DARS2: variants seen among roughly 807,000 people sequenced by gnomAD.
DARS2 encodes the protein aspartate--tRNA ligase, mitochondrial.
Under a neutral mutation model 83.0 loss-of-function variants are expected in DARS2, and 63 were observed. That is an observed-to-expected ratio of 0.76 (90% CI 0.62 to 0.94). The LOEUF is 0.94. Ranked by LOEUF, DARS2 falls within the 40% of genes least tolerant of loss-of-function variation. The probability of loss-of-function intolerance (pLI) is 0.00; values close to 1 mark genes in which losing one functional copy is unlikely to be tolerated. For synonymous variants in DARS2, 250 were observed against 269.3 expected, an observed-to-expected ratio of 0.93 and a Z score of 0.70; for missense variants, 675 against 774.4, an observed-to-expected ratio of 0.87 and a Z score of 1.52.
intron 12 of DARS2, among the ~76,000 whole-genome samples, chr1:173,847,344 T>A (rs1051859093): frequency 6.6e-6 from 1 of 152,204 alleles, no homozygotes; most frequent in Non-Finnish European, 1.5e-5. Context: ...GTATATAAAA[T>A]CTGCATCTAA....
chr1:173,858,192 G>T lies in DARS2; in HGVS notation c.*487G>T. Reference sequence around the variant, plus strand: ...TTCAACCATCAACATAATATAGTGAGGAGTAGCATAATATTTTTTAATAAT... The same window carrying T: ...TTCAACCATCAACATAATATAGTGATGAGTAGCATAATATTTTTTAATAAT... On this transcript the variant is annotated 3_prime_UTR_variant, in exon 17 of 17. Coordinates refer to ENST00000649689, the MANE Select transcript of DARS2 (RefSeq NM_018122.5). The T allele has an allele frequency of 6.0e-6, 1 of 166,846 alleles. No homozygotes were observed. Among genetic ancestry groups the T allele is most frequent in the Non-Finnish European group, 1.3e-5 (1 of 76,158 alleles). The allele number at this position is 166,846 out of a possible 1,614,324, so 10.3% of individuals were successfully genotyped here.
At position 173,826,747 on chromosome 1, in the gene DARS2, G is replaced by T. The variant is rs114714497; in HGVS notation, c.188G>T (p.Gly63Val). Residue 63 changes from glycine to valine, a missense_variant, in exon 2 of 17, where the codon GGC becomes GTC. Coordinates refer to ENST00000649689, the MANE Select transcript of DARS2 (RefSeq NM_018122.5). ...GGAGAGTTGCGTTCGTCTCACTTAG[G>T]CCAAGAAGTCACCTTGTGTGGATGG... ...TCGELRSSHL[G>V]QEVTLCGWIQ... The T allele has an allele frequency of 6.2e-7, 1 of 1,613,146 alleles. No individual in the cohort carries two copies. The highest frequency in any genetic ancestry group is 1.7e-5 in the Admixed American group (1 of 59,904).
intron 13 of DARS2, 54 bp from the exon 14 acceptor site, chr1:173,853,295 T>A: frequency 1.3e-6 from 2 of 1,571,208 alleles, no homozygotes; most frequent in Non-Finnish European, 8.8e-7. Flanking sequence ...GCTGTGTCAT[T>A]TCCTGCCTGC....
At chr1:173,831,360 A>T (rs1223908982) in intron 4 of DARS2, among the ~76,000 whole-genome samples, 175 bp from the exon 5 acceptor site, 10 of 152,198 alleles carry the variant, frequency 6.6e-5, no homozygotes, top group African/African-American at 2.2e-4. Flanking sequence ...TGAACACATC[A>T]GCCACATATG....
chr1:173,831,193 G>A (rs561682468), intron 4 of DARS2, among the ~76,000 whole-genome samples: 1 of 150,414 alleles, frequency 6.6e-6, no homozygotes, highest in South Asian at 2.1e-4. Context: ...AGGATTACAG[G>A]CGTGAGCCAC....
intron 6 of DARS2, 123 bp downstream of exon 6, chr1:173,833,622 CAATG>C: frequency 8.7e-7 from 1 of 1,147,994 alleles, no homozygotes; most frequent in African/African-American, 1.5e-5. Flanking sequence ...GGAATTCACT[CAATG>C]TGTAATGTAG....
chr1:173,830,668 C>T lies in DARS2; in HGVS notation c.303C>T (p.Ala101=), dbSNP rs781148189. 2.5e-5 allele frequency: 40 copies of T among 1,613,604 alleles called. No homozygotes were observed. The highest frequency in any genetic ancestry group is 3.1e-5 in the Non-Finnish European group (36 of 1,179,662). The change falls in exon 4 of 17, where the codon GCC becomes GCT. Residue 101 remains alanine (A), a synonymous_variant. Coordinates refer to ENST00000649689, the MANE Select transcript of DARS2 (RefSeq NM_018122.5). The stretch of plus-strand genomic sequence containing the variant: ...TCCCCCTTGTTCTGTAGTCGGCAGC[C>T]TCTGTGAAGAAGATTTTATGTGAAG... ...QVIIPQDESA[A]SVKKILCEAP...
chr1:173,845,003 G>A (rs945920352), intron 11 of DARS2, among the ~76,000 whole-genome samples: 11 of 151,330 alleles, frequency 7.3e-5, no homozygotes, highest in Admixed American at 4.0e-4. Flanking sequence ...CATGTTGGTC[G>A]GGCTGGTTTT....
chr1:173,838,500 T>C (rs1653089652), intron 9 of DARS2, among the ~76,000 whole-genome samples: 1 of 152,136 alleles, frequency 6.6e-6, no homozygotes, highest in African/African-American at 2.4e-5. Context: ...ATTCAAATTT[T>C]AGTATGTGTG....
chr1:173,845,373 T>A (rs1208070275), intron 12 of DARS2, 82 bp downstream of exon 12: 1 of 857,264 alleles, frequency 1.2e-6, no homozygotes, highest in Admixed American at 1.9e-5. Flanking sequence ...TCATTATCAT[T>A]AGTTTTGAGC....
At chr1:173,849,305 G>A (rs886769032) in intron 12 of DARS2, among the ~76,000 whole-genome samples, 1 of 151,832 alleles carries the variant, frequency 6.6e-6, no homozygotes, top group Non-Finnish European at 1.5e-5. Flanking sequence ...AGGCCAAGGC[G>A]GGCAGATCGC....
chr1:173,850,773 T>A lies in DARS2; in HGVS notation c.1344+294T>A, dbSNP rs80232493. 0.017 allele frequency among the ~76,000 whole-genome samples: 2,540 copies of A among 151,900 alleles called. 78 individuals carry two copies. The highest frequency in any genetic ancestry group is 0.056 in the African/African-American group (2,305 of 41,430). On this transcript the variant is annotated intron_variant, in intron 13 of 16. Transcript: ENST00000649689. ...GGCGCACGCTGCCATACCCGACTAA[T>A]TTTTGTATTTTAGTAGAGACAGGGT...
intron 13 of DARS2, 112 bp downstream of exon 13, chr1:173,850,591 T>C (rs1391169834): frequency 8.9e-7 from 1 of 1,121,114 alleles, no homozygotes; most frequent in Non-Finnish European, 1.3e-6. Context: ...AAAATGGAGC[T>C]GCTCTGCATA....
rs983229090 is a variant in DARS2, at chr1:173,853,478, G to A, written c.1474G>A (p.Glu492Lys). The A allele has an allele frequency of 6.2e-7, 1 of 1,614,074 alleles. No homozygotes were observed. Among genetic ancestry groups the A allele is most frequent in the Non-Finnish European group, 8.5e-7 (1 of 1,180,016 alleles). ...VDFPLFLPKE[E>K]NPRELESAHH... The stretch of plus-strand genomic sequence containing the variant: ...TTTCCCACTCTTCCTGCCCAAGGAG[G>A]AAAATCCCAGAGAGCTGGAATCGGC... The change falls in exon 14 of 17, where the codon GAA becomes AAA. Residue 492 changes from glutamate to lysine, a missense_variant. Glu to Lys is a moderately conservative substitution (Grantham distance 56). Coordinates refer to ENST00000649689, the MANE Select transcript of DARS2 (RefSeq NM_018122.5).
chr1:173,850,766 C>T (rs1480253037), intron 13 of DARS2, among the ~76,000 whole-genome samples: 1 of 151,784 alleles, frequency 6.6e-6, no homozygotes, highest in African/African-American at 2.4e-5. Flanking sequence ...CTGCCATACC[C>T]GACTAATTTT....
intron 1 of DARS2, 87 bp downstream of exon 1, chr1:173,825,443 TTC>T (rs1423501672): frequency 9.7e-7 from 1 of 1,032,766 alleles, no homozygotes; most frequent in Non-Finnish European, 1.4e-6. Flanking sequence ...TTTTCATTTT[TTC>T]CCCCATTATT....
chr1:173,840,531 CTGGAATCTTAA>C lies in DARS2; in HGVS notation c.1021-333_1021-323del, dbSNP rs1294623746. On this transcript the variant is annotated intron_variant, in intron 10 of 16. Coordinates refer to ENST00000649689, the MANE Select transcript of DARS2 (RefSeq NM_018122.5). ...ATAGGCATGAGCCTCTGCGCCGAGC[CTGGAATCTTAA>C]TCTGGTTCTTAAGTCAGACTGCTTG... 2.6e-5 allele frequency among the ~76,000 whole-genome samples: 4 copies of C among 152,324 alleles called. No individual in the cohort carries two copies. In the East Asian group the frequency reaches 7.7e-4, roughly 29 times the overall value.
chr1:173,830,829 C>A lies in DARS2; in HGVS notation c.396+68C>A, dbSNP rs373009087. The A allele has an allele frequency of 3.2e-5, 38 of 1,172,222 alleles. No individual in the cohort carries two copies. The African/African-American group carries it at 5.6e-4, about 17-fold the overall frequency. The allele number at this position is 1,172,222 out of a possible 1,614,324, so 72.6% of individuals were successfully genotyped here. On this transcript the variant is annotated intron_variant, in intron 4 of 16. Transcript: ENST00000649689. ...CATTTGCACCATCTGTGTACACATT[C>A]TGGCAACACATGACTGGACATTAGG...
At chr1:173,845,537 T>C (rs1653402490) in intron 12 of DARS2, among the ~76,000 whole-genome samples, 1 of 152,220 alleles carries the variant, frequency 6.6e-6, no homozygotes. Flanking sequence ...GCTCAAGCAA[T>C]GCTCCTGCCT....
Sources: gnomAD v4.1 joint callset for allele counts (sites outside exome capture counted in the v4.1 genomes callset) on GRCh38, gnomAD v4.1.1 for gene constraint, MANE v1.5 for transcripts, NCBI Gene and HGNC (gene_info 2026-07-23, HGNC 2026-07-21) for gene names.